CGAS: variants seen among roughly 807,000 people sequenced by gnomAD.
CGAS encodes the protein cyclic GMP-AMP synthase.
In CGAS, 31 loss-of-function variants were observed where a neutral mutation model predicts 34.0. The observed-to-expected ratio is 0.91, with a 90% CI of 0.69 to 1.23. The LOEUF (loss-of-function observed/expected upper bound fraction) is 1.23, where lower values mean the gene tolerates loss of function less well. Among genes scored for constraint, CGAS ranks in the 50% most tolerant of loss-of-function variants. The probability of loss-of-function intolerance (pLI) is 0.00; values close to 1 mark genes in which losing one functional copy is unlikely to be tolerated. For synonymous variants in CGAS, 266 were observed against 260.0 expected (o/e 1.02, Z -0.22); for missense variants, 597 against 657.6 (o/e 0.91, Z 1.01).
At chr6:73,436,715 C>T (rs1770286451) in intron 3 of CGAS, among the ~76,000 whole-genome samples, 1 of 150,030 alleles carries the variant, frequency 6.7e-6, no homozygotes, top group Non-Finnish European at 1.5e-5. Context: ...TAGAGACAGG[C>T]TTTCACCATG....
intron 4 of CGAS, among the ~76,000 whole-genome samples, chr6:73,426,353 A>G (rs200450484): frequency 7.9e-6 from 1 of 126,044 alleles, no homozygotes; most frequent in Non-Finnish European, 1.7e-5. Flanking sequence ...TGAAATGATA[A>G]AATAAAATAA....
intron 1 of CGAS, among the ~76,000 whole-genome samples, chr6:73,448,120 A>G (rs6912094): frequency 0.99 from 151,227 of 152,316 alleles, 75,083 homozygotes; most frequent in East Asian, 1. Flanking sequence ...GGCCGGGCAC[A>G]GTGGCTCACG....
intron 2 of CGAS, among the ~76,000 whole-genome samples, chr6:73,443,235 C>G (rs1485806088): frequency 1.9e-5 from 2 of 104,222 alleles, no homozygotes; most frequent in African/African-American, 7.6e-5. Context: ...TTCCCAAACT[C>G]TTTTTTTTTT....
intron 3 of CGAS, among the ~76,000 whole-genome samples, chr6:73,429,622 C>A (rs9446902): frequency 4.0e-5 from 6 of 151,586 alleles, no homozygotes; most frequent in East Asian, 3.9e-4. Context: ...GTCGGGAGAT[C>A]AAGACCATCC....
At chr6:73,434,970 A>AT (rs1319512374) in intron 3 of CGAS, among the ~76,000 whole-genome samples, 2 of 152,100 alleles carry the variant, frequency 1.3e-5, no homozygotes, top group Non-Finnish European at 2.9e-5. Flanking sequence ...AGCTAACAAT[A>AT]ATATATCAAT....
At chr6:73,430,299 A>T (rs992070665) in intron 3 of CGAS, among the ~76,000 whole-genome samples, 24 of 152,178 alleles carry the variant, frequency 1.6e-4, no homozygotes, top group African/African-American at 4.8e-5. Flanking sequence ...AGCCATCATT[A>T]TTCATAGGTG....
intron 2 of CGAS, 24 bp from the exon 3 acceptor site, chr6:73,440,469 G>GA: frequency 6.4e-7 from 1 of 1,556,402 alleles, no homozygotes; most frequent in East Asian, 2.2e-5. Context: ...TAAAAGAAAA[G>GA]AAAGTATTTA....
At position 73,437,138 on chromosome 6, in the gene CGAS, C is replaced by T. The variant is rs931519472; in HGVS notation, c.1114+3071G>A. ...CTGCGCTCCAGCCTGGGCAACAGAG[C>T]GAGACTCTGTCTCAAAAATAAATAA... On this transcript the variant is annotated intron_variant, in intron 3 of 4. Coordinates refer to ENST00000370315, the MANE Select transcript of CGAS (RefSeq NM_138441.3). Among the ~76,000 whole-genome samples, 8 of 151,702 alleles carry T rather than the reference C, an allele frequency of 5.3e-5. No individual in the cohort carries two copies. The East Asian group carries it at 1.4e-3, about 26-fold the overall frequency.
At chr6:73,451,462 A>G (rs1272253102) in intron 1 of CGAS, 63 bp downstream of exon 1, 21 of 1,479,480 alleles carry the variant, frequency 1.4e-5, no homozygotes, top group Non-Finnish European at 1.8e-5. Flanking sequence ...CGGGGAAGGT[A>G]GGGACTGCGG....
intron 4 of CGAS, 91 bp downstream of exon 4, chr6:73,428,618 C>T (rs184389761): frequency 1.9e-5 from 23 of 1,207,164 alleles, no homozygotes; most frequent in Non-Finnish European, 2.7e-5. Flanking sequence ...CAGACCCAAC[C>T]CAGCTCAGCT....
chr6:73,439,276 T>C (rs1485306284), intron 3 of CGAS, among the ~76,000 whole-genome samples: 1 of 151,876 alleles, frequency 6.6e-6, no homozygotes, highest in African/African-American at 2.4e-5. Flanking sequence ...TCCCAGGAGT[T>C]TGAGACCAGC....
rs766646901 is a variant in CGAS, at chr6:73,428,787, GAGA to G, written c.1136_1138del (p.Phe379del). On this transcript the variant is annotated inframe_deletion, in exon 4 of 5. Coordinates refer to ENST00000370315, the MANE Select transcript of CGAS (RefSeq NM_138441.3). ...GTTCAAAATTTCCTTTTCGATGTGAGAGAAGGATAGCCGCCATGTTTCTTCTTA... is the reference window on the plus strand; with the variant it reads ...GTTCAAAATTTCCTTTTCGATGTGAGAGGATAGCCGCCATGTTTCTTCTTA... The G allele has an allele frequency of 1.9e-6, 3 of 1,613,568 alleles. No homozygotes were observed. Among genetic ancestry groups the G allele is most frequent in the South Asian group, 2.2e-5 (2 of 90,906 alleles).
chr6:73,432,582 C>CA (rs34674288), intron 3 of CGAS, among the ~76,000 whole-genome samples: 3 of 152,164 alleles, frequency 2.0e-5, no homozygotes, highest in Non-Finnish European at 4.4e-5. Flanking sequence ...CTCAGCCCCC[C>CA]AAATAGCTGG....
chr6:73,442,392 T>C (rs1346956126), intron 2 of CGAS, among the ~76,000 whole-genome samples: 1 of 149,854 alleles, frequency 6.7e-6, no homozygotes, highest in African/African-American at 2.5e-5. Context: ...TTCTGCTTCC[T>C]TCCAGCCCAA....
chr6:73,445,695 A>ATTC lies in CGAS; in HGVS notation c.707_709dup (p.Arg236dup). 6.2e-7 allele frequency: 1 copy of ATTC among 1,612,214 alleles called. No individual in the cohort carries two copies. The highest frequency in any genetic ancestry group is 8.5e-7 in the Non-Finnish European group (1 of 1,179,494). ...AGTGTTGGAATATTCTTCTAGTTGA[A>ATTC]TTCTGGGGACTTCCAGTTTAAACAT... On this transcript the variant is annotated inframe_insertion, in exon 2 of 5. Transcript: ENST00000370315.
intron 2 of CGAS, among the ~76,000 whole-genome samples, chr6:73,444,093 G>A (rs768269655): frequency 5.9e-5 from 9 of 151,626 alleles, no homozygotes; most frequent in African/African-American, 2.2e-4. Context: ...GGGTTCAAGC[G>A]ATTCTCCTGC....
chr6:73,441,090 T>TTTTTC (rs1562293404), intron 2 of CGAS, among the ~76,000 whole-genome samples: 17 of 150,330 alleles, frequency 1.1e-4, no homozygotes, highest in East Asian at 3.9e-4. Flanking sequence ...TTCTTTTTTT[T>TTTTTC]TTTTTTTGAG....
At chr6:73,428,300 C>A (rs1770124823) in intron 4 of CGAS, among the ~76,000 whole-genome samples, 1 of 151,988 alleles carries the variant, frequency 6.6e-6, no homozygotes, top group Non-Finnish European at 1.5e-5. Flanking sequence ...ACCCAACTAT[C>A]CCAAAGCAAG....
chr6:73,435,238 A>G (rs1034952270), intron 3 of CGAS, among the ~76,000 whole-genome samples: 2 of 152,176 alleles, frequency 1.3e-5, no homozygotes, highest in Non-Finnish European at 2.9e-5. Context: ...TTTTCTGTAA[A>G]TACAAAACTA....
Sources: allele counts gnomAD v4.1 joint callset (sites outside exome capture counted in the v4.1 genomes callset), GRCh38; gene constraint gnomAD v4.1.1; transcripts MANE v1.5; gene names NCBI Gene and HGNC (gene_info 2026-07-23, HGNC 2026-07-21).